Variants in TENM2 observed in about 807,000 individuals in gnomAD.
TENM2 encodes teneurin-2.
A neutral mutation model predicts 245.2 loss-of-function variants in TENM2; 52 were observed. That is an observed-to-expected ratio of 0.21 (90% CI 0.17 to 0.27). The LOEUF is 0.27. TENM2 is among the 10% of genes least tolerant of loss of function. The pLI, the probability that TENM2 is intolerant of heterozygous loss-of-function variation, is 1.00. For missense variants in TENM2, 3,046 were observed against 3,666.8 expected (o/e 0.83, Z 4.37); for synonymous variants, 1,363 against 1,438.9 (o/e 0.95, Z 1.19).
chr5:167,837,960 G>A (rs1222691203), intron 2 of TENM2, among the ~76,000 whole-genome samples: 1 of 152,110 alleles, frequency 6.6e-6, no homozygotes, highest in Non-Finnish European at 1.5e-5. Flanking sequence ...TCCTCCTTTT[G>A]GTTCCCCTCA....
chr5:167,571,035 G>C (rs547167168), intron 2 of TENM2, among the ~76,000 whole-genome samples: 2 of 152,232 alleles, frequency 1.3e-5, no homozygotes, highest in African/African-American at 2.4e-5. Flanking sequence ...TTGTAAAGAG[G>C]GTCAGAGTGG....
intron 2 of TENM2, among the ~76,000 whole-genome samples, chr5:167,594,317 A>G (rs1213590007): frequency 6.6e-6 from 1 of 152,204 alleles, no homozygotes; most frequent in Admixed American, 6.5e-5. Flanking sequence ...GCAATATGTG[A>G]GATGCAAATT....
intron 2 of TENM2, among the ~76,000 whole-genome samples, chr5:167,599,996 A>T (rs1206022724): frequency 6.0e-5 from 9 of 150,748 alleles, no homozygotes; most frequent in African/African-American, 2.4e-5. Flanking sequence ...AAACACAAAA[A>T]TTAGCCAGAC....
At position 167,431,970 on chromosome 5, in the gene TENM2, T is replaced by TGTGTATATATATATATATATATAC. The variant is rs1554150945; in HGVS notation, c.502+56497_502+56498insGTGTATATATATATATATATATAC. Among the ~76,000 whole-genome samples the TGTGTATATATATATATATATATAC allele has an allele frequency of 1.1e-3, 144 of 135,528 alleles. 4 individuals carry two copies. The highest frequency in any genetic ancestry group is 4.1e-3 in the Middle Eastern group (1 of 242). The allele number at this position is 135,528 out of a possible 152,430, so 88.9% of individuals were successfully genotyped here. A position where few individuals can be genotyped will look rare whatever the true frequency, so the allele number is the denominator to read the frequency against. ...ATATGTATATATATATGTATATATA[T>TGTGTATATATATATATATATATAC]ATATATATGGAAGTTCAATGCTTTC... On this transcript the variant is annotated intron_variant, in intron 2 of 28. Coordinates refer to ENST00000518659, the Ensembl canonical transcript of TENM2.
chr5:167,411,360 AT>A (rs1318020898), intron 2 of TENM2, among the ~76,000 whole-genome samples: 1 of 152,136 alleles, frequency 6.6e-6, no homozygotes, highest in Non-Finnish European at 1.5e-5. Context: ...AACACATAAT[AT>A]TTGAGAAAGT....
chr5:167,025,630 G>C, the TENM2 span, among the ~76,000 whole-genome samples: 1 of 151,640 alleles, frequency 6.6e-6, no homozygotes, highest in African/African-American at 2.4e-5. Context: ...CAGAATGCTG[G>C]GTAAAAAAAT....
chr5:168,103,056 A>T (rs996328492), intron 9 of TENM2, among the ~76,000 whole-genome samples: 2 of 91,388 alleles, frequency 2.2e-5, no homozygotes, highest in Admixed American at 3.0e-4. Flanking sequence ...AACAGGCCCC[A>T]GTGTGTGCTG....
At chr5:167,028,189 A>T in the TENM2 span, among the ~76,000 whole-genome samples, 3 of 152,200 alleles carry the variant, frequency 2.0e-5, no homozygotes, top group East Asian at 5.8e-4. Context: ...AAAGGGCAAT[A>T]TAATTTTTTA....
At chr5:167,008,346 CAGA>C in the TENM2 span, among the ~76,000 whole-genome samples, 1 of 152,124 alleles carries the variant, frequency 6.6e-6, no homozygotes, top group Non-Finnish European at 1.5e-5. Flanking sequence ...TTAATAGAGT[CAGA>C]AGAAGATCTA....
At chr5:167,297,050 T>A (rs1207110906) in intron 1 of TENM2, among the ~76,000 whole-genome samples, 1 of 152,216 alleles carries the variant, frequency 6.6e-6, no homozygotes, top group Non-Finnish European at 1.5e-5. Flanking sequence ...CAGCATTTTT[T>A]AAAACCAAAT....
At chr5:168,128,338 A>G (rs1300076581) in intron 12 of TENM2, among the ~76,000 whole-genome samples, 1 of 152,204 alleles carries the variant, frequency 6.6e-6, no homozygotes, top group African/African-American at 2.4e-5. Context: ...CAGTTCTTAC[A>G]ATAGCTTCCA....
intron 4 of TENM2, among the ~76,000 whole-genome samples, chr5:167,988,645 G>A (rs2151994423): frequency 6.6e-6 from 1 of 152,294 alleles, no homozygotes; most frequent in South Asian, 2.1e-4. Context: ...TAATATGATG[G>A]ATGGAGTGAG....
At chr5:167,647,237 A>G (rs1402187413) in intron 2 of TENM2, among the ~76,000 whole-genome samples, 2 of 152,186 alleles carry the variant, frequency 1.3e-5, no homozygotes, top group African/African-American at 4.8e-5. Flanking sequence ...GGTGGAGTTG[A>G]TGGATCCACG....
At chr5:167,174,699 C>T in the TENM2 span, among the ~76,000 whole-genome samples, 1 of 152,048 alleles carries the variant, frequency 6.6e-6, no homozygotes, top group Non-Finnish European at 1.5e-5. Context: ...ACTTTTGGCA[C>T]ATTTTCATTA....
intron 2 of TENM2, among the ~76,000 whole-genome samples, chr5:167,754,176 A>G (rs1046440732): frequency 5.3e-5 from 8 of 152,280 alleles, no homozygotes; most frequent in African/African-American, 9.6e-5. Flanking sequence ...TTGTTTCCCT[A>G]TAAGATACTG....
intron 2 of TENM2, among the ~76,000 whole-genome samples, chr5:167,390,726 T>C (rs79862248): frequency 0.027 from 4,104 of 152,312 alleles, 185 homozygotes; most frequent in African/African-American, 0.093. Flanking sequence ...GGCATTCCCT[T>C]GTACATTTAG....
the TENM2 span, among the ~76,000 whole-genome samples, chr5:167,191,302 T>A: frequency 3.9e-5 from 6 of 152,022 alleles, no homozygotes; most frequent in Non-Finnish European, 5.9e-5. Context: ...GTCATTAAAA[T>A]ATATATATGT....
intron 1 of TENM2, among the ~76,000 whole-genome samples, chr5:167,323,212 A>T (rs1756873269): frequency 6.6e-6 from 1 of 152,200 alleles, no homozygotes; most frequent in African/African-American, 2.4e-5. Flanking sequence ...TATGAGATGT[A>T]TTATTCTAGT....
At chr5:167,062,533 A>AGAATCAAG in the TENM2 span, among the ~76,000 whole-genome samples, 1 of 152,062 alleles carries the variant, frequency 6.6e-6, no homozygotes, top group African/African-American at 2.4e-5. Context: ...GGTGAAAGAA[A>AGAATCAAG]GAATCAAGGA....
Sources: allele counts gnomAD v4.1 joint callset (sites outside exome capture counted in the v4.1 genomes callset), GRCh38; gene constraint gnomAD v4.1.1; transcripts MANE v1.5; gene names NCBI Gene and HGNC (gene_info 2026-07-23, HGNC 2026-07-21).